Variants in BDNF observed in about 807,000 individuals in gnomAD.
BDNF encodes brain derived neurotrophic factor.
A neutral mutation model predicts 19.5 loss-of-function variants in BDNF; 1 was observed. The ratio of observed to expected loss-of-function variants is 0.05; its 90% CI spans 0.02 to 0.24. BDNF has a LOEUF of 0.24. Among genes scored for constraint, BDNF ranks in the 10% least tolerant of loss-of-function variants. The probability of loss-of-function intolerance (pLI) is 1.00; values close to 1 mark genes in which losing one functional copy is unlikely to be tolerated. For synonymous variants in BDNF, 100 were observed against 121.6 expected, an observed-to-expected ratio of 0.82 and a Z score of 1.17; for missense variants, 195 against 317.6, an observed-to-expected ratio of 0.61 and a Z score of 2.93.
chr11:27,674,187 G>A lies in BDNF; in HGVS notation c.-21-15602C>T, dbSNP rs376102616. ...AGCGTGTGGGTAGACGCCAAAACAT[G>A]TGTGGACCTGCAACCCTTTCTGTAG... On this transcript the variant is annotated intron_variant, in intron 1 of 1. Coordinates refer to ENST00000356660, the MANE Select transcript of BDNF (RefSeq NM_001709.5). 11 of 1,607,464 alleles carry A rather than the reference G, an allele frequency of 6.8e-6. No homozygotes were observed. The African/African-American group carries it at 1.3e-4, about 20-fold the overall frequency.
chr11:27,689,624 T>C (rs1857978923), intron 1 of BDNF, among the ~76,000 whole-genome samples: 1 of 152,220 alleles, frequency 6.6e-6, no homozygotes, highest in Admixed American at 6.5e-5. Context: ...AAGGTTCTCC[T>C]AGGTTTTTAT....
intron 1 of BDNF, among the ~76,000 whole-genome samples, chr11:27,697,082 TTTCACAG>T (rs1458522953): frequency 6.6e-6 from 1 of 152,064 alleles, no homozygotes; most frequent in Non-Finnish European, 1.5e-5. Context: ...CTGTGTTATA[TTTCACAG>T]TTCACAGTTC....
At chr11:27,675,047 G>A (rs1855898250) in intron 1 of BDNF, 1 of 382,128 alleles carries the variant, frequency 2.6e-6, no homozygotes, top group African/African-American at 2.2e-5. Context: ...CCATTATGTG[G>A]TGGAGAGGGA....
At position 27,656,878 on chromosome 11, in the gene BDNF, C is replaced by A. The variant is rs539948020; in HGVS notation, c.*943G>T. 23 of 985,208 alleles carry A rather than the reference C, an allele frequency of 2.3e-5. No homozygotes were observed. In the Admixed American group the frequency reaches 4.3e-4, roughly 18 times the overall value. 61.0% of individuals were successfully genotyped at this position (985,208 alleles called of 1,614,324 possible). A position where few individuals can be genotyped will look rare whatever the true frequency, so the allele number is the denominator to read the frequency against. Reference sequence around the variant, plus strand: ...ATGTGACACAATGTGTTCACTTGTTCACAGCAGTGGTAAAATATTTCAGAA... The same window carrying A: ...ATGTGACACAATGTGTTCACTTGTTAACAGCAGTGGTAAAATATTTCAGAA... On this transcript the variant is annotated 3_prime_UTR_variant, in exon 2 of 2. Transcript: ENST00000356660.
At chr11:27,673,731 T>C (rs1855710997) in intron 1 of BDNF, among the ~76,000 whole-genome samples, 1 of 152,130 alleles carries the variant, frequency 6.6e-6, no homozygotes, top group African/African-American at 2.4e-5. Flanking sequence ...CAATTTCCAT[T>C]ATAGAAAGAG....
rs1260439759 is a variant in BDNF at position 27,657,113 on chromosome 11, T to C, written c.*708A>G. Reference sequence around the variant, plus strand: ...TTCAGTTGCCTTAATTTTTATTCACTTTCTAGTCATCTGATCGATATTGCA... The same window carrying C: ...TTCAGTTGCCTTAATTTTTATTCACCTTCTAGTCATCTGATCGATATTGCA... On this transcript the variant is annotated 3_prime_UTR_variant, in exon 2 of 2. Coordinates refer to ENST00000356660, the MANE Select transcript of BDNF (RefSeq NM_001709.5). The surrounding 1 kb of genome is among the most constrained non-coding windows in gnomAD (Gnocchi z 5.0). 2.0e-6 allele frequency: 2 copies of C among 985,230 alleles called. No individual in the cohort carries two copies. Among genetic ancestry groups the C allele is most frequent in the African/African-American group, 1.7e-5 (1 of 57,210 alleles). 61.0% of individuals were successfully genotyped at this position (985,230 alleles called of 1,614,324 possible).
chr11:27,676,564 A>G (rs937216112), intron 1 of BDNF, among the ~76,000 whole-genome samples: 2 of 152,190 alleles, frequency 1.3e-5, no homozygotes, highest in Admixed American at 6.5e-5. Context: ...TGGCATTTTT[A>G]TATGATCCCC....
chr11:27,656,047 G>A lies in BDNF; in HGVS notation c.*1774C>T, dbSNP rs1484516038. On this transcript the variant is annotated 3_prime_UTR_variant, in exon 2 of 2. Transcript: ENST00000356660. Reference sequence around the variant, plus strand: ...GAGCAAGGCACCTTCAAGTCTTGGTGTTCTGAATGTCCAGACACCTTCCCG... The same window carrying A: ...GAGCAAGGCACCTTCAAGTCTTGGTATTCTGAATGTCCAGACACCTTCCCG... 6.6e-6 allele frequency: 1 copy of A among 152,188 alleles called. No individual in the cohort carries two copies. Among genetic ancestry groups the A allele is most frequent in the Non-Finnish European group, 1.5e-5 (1 of 68,068 alleles). 9.4% of individuals were successfully genotyped at this position (152,188 alleles called of 1,614,324 possible). A position where few individuals can be genotyped will look rare whatever the true frequency, so the allele number is the denominator to read the frequency against.
chr11:27,667,611 T>G (rs562722669), intron 1 of BDNF, among the ~76,000 whole-genome samples: 12 of 152,184 alleles, frequency 7.9e-5, no homozygotes, highest in Middle Eastern at 3.4e-3. Context: ...AAGCAGGAGT[T>G]GCAATCCTAG....
chr11:27,699,760 A>T (rs530453323), intron 1 of BDNF: 6 of 1,262,730 alleles, frequency 4.8e-6, no homozygotes, highest in Non-Finnish European at 6.1e-6. Context: ...CCCTGGAAGG[A>T]TTCCTAGCCT....
chr11:27,659,826 A>G (rs1853171102), intron 1 of BDNF, among the ~76,000 whole-genome samples: 1 of 152,200 alleles, frequency 6.6e-6, no homozygotes, highest in Non-Finnish European at 1.5e-5. Flanking sequence ...GGGTTGCTCT[A>G]CTCTAAATTT....
chr11:27,672,820 CA>C (rs1284048265), intron 1 of BDNF, among the ~76,000 whole-genome samples: 5 of 152,082 alleles, frequency 3.3e-5, no homozygotes, highest in African/African-American at 9.7e-5. Context: ...AAAAGTGTAA[CA>C]TTTTTTAAGT....
intron 1 of BDNF, among the ~76,000 whole-genome samples, chr11:27,681,612 CAG>C (rs573087966): frequency 1.5e-3 from 225 of 152,174 alleles, no homozygotes; most frequent in Middle Eastern, 6.8e-3. Context: ...ACATGAGACT[CAG>C]AGAATTACAA....
At chr11:27,718,039 T>G (rs2134114506) in intron 1 of BDNF, among the ~76,000 whole-genome samples, 1 of 152,296 alleles carries the variant, frequency 6.6e-6, no homozygotes, top group Admixed American at 6.5e-5. Context: ...GCAAGTCAAC[T>G]AAAAGGATAA....
At chr11:27,717,135 G>A (rs1860544274) in intron 1 of BDNF, among the ~76,000 whole-genome samples, 1 of 152,178 alleles carries the variant, frequency 6.6e-6, no homozygotes, top group Non-Finnish European at 1.5e-5. Flanking sequence ...ATCTGATAGG[G>A]AAAGAGTCTG....
chr11:27,720,759 A>C, intron 1 of BDNF: 1 of 986,106 alleles, frequency 1.0e-6, no homozygotes, highest in Non-Finnish European at 1.2e-6. Flanking sequence ...AAAAATCTCT[A>C]ATTAAGTGAT....
intron 1 of BDNF, chr11:27,697,726 C>G (rs1859275902): frequency 6.6e-6 from 1 of 152,100 alleles, no homozygotes; most frequent in Non-Finnish European, 1.5e-5. Flanking sequence ...CAATGTTGAC[C>G]TACTATACAT....
chr11:27,712,927 CTT>C lies in BDNF; in HGVS notation c.3+8483_3+8484del, dbSNP rs112937534. 1.3e-3 allele frequency among the ~76,000 whole-genome samples: 156 copies of C among 117,212 alleles called. No homozygotes were observed. In the South Asian group the frequency reaches 0.013, roughly 10 times the overall value. The allele number at this position is 117,212 out of a possible 152,430, so 76.9% of individuals were successfully genotyped here. On this transcript the variant is annotated intron_variant, in intron 1 of 1. Coordinates refer to the BDNF transcript ENST00000314915. ...TGAGCAATTCTTTCTTTCTTTCTTT[CTT>C]TTTTTTTTTTTTTTTTTTGCCAGGC...
At chr11:27,671,307 TA>T (rs200039233) in intron 1 of BDNF, among the ~76,000 whole-genome samples, 17,194 of 144,810 alleles carry the variant, frequency 0.12, 2,464 homozygotes, top group African/African-American at 0.31. Context: ...AAAGTATAAT[TA>T]AAAAAAAAAA....
Sources: allele counts gnomAD v4.1 joint callset (sites outside exome capture counted in the v4.1 genomes callset), GRCh38; gene constraint gnomAD v4.1.1; non-coding constraint Gnocchi (gnomAD v3.1); transcripts MANE v1.5; gene names NCBI Gene and HGNC (gene_info 2026-07-23, HGNC 2026-07-21).